Variants in MECR observed in about 807,000 individuals in gnomAD.
The protein encoded by MECR is enoyl-[acyl-carrier-protein] reductase, mitochondrial.
In MECR, 37 loss-of-function variants were observed where a neutral mutation model predicts 49.1. The ratio of observed to expected loss-of-function variants is 0.75; its 90% confidence interval spans 0.58 to 0.99. The LOEUF is 0.99. MECR is among the 50% of genes least tolerant of loss of function. MECR has a pLI of 0.00. For missense variants in MECR, 470 were observed against 479.6 expected, an observed-to-expected ratio of 0.98 and a Z score of 0.19; for synonymous variants, 198 against 191.1, an observed-to-expected ratio of 1.04 and a Z score of -0.30.
At position 29,195,983 on chromosome 1, in the gene MECR, G is replaced by C. The variant is rs772262313; in HGVS notation, c.922C>G (p.Arg308Gly). The C allele has an allele frequency of 1.9e-6, 3 of 1,614,062 alleles. No individual in the cohort carries two copies. The highest frequency in any genetic ancestry group is 1.3e-5 in the African/African-American group (1 of 74,922). The change falls in exon 9 of 10, where the codon CGA (arginine) becomes GGA (glycine). Residue 308 changes from arginine (R) to glycine (G), a missense_variant. Physicochemically the swap from Arg to Gly is moderately radical, Grantham distance 125. Coordinates refer to ENST00000263702, the MANE Select transcript of MECR (RefSeq NM_016011.5). ...TTCCACTGGGACAACCAAAAGCCTC[G>C]AAGTTTGAGATCCTTAAAAATGAGC... ...SLLIFKDLKL[R>G]GFWLSQWKKD...
At chr1:29,230,196 C>T (rs1434698977) in intron 1 of MECR, among the ~76,000 whole-genome samples, 2 of 152,180 alleles carry the variant, frequency 1.3e-5, no homozygotes, top group Non-Finnish European at 2.9e-5. Context: ...AGTCCCTTGC[C>T]CTCTGGAAAC....
chr1:29,175,242 G>A, the MECR span, among the ~76,000 whole-genome samples: 2 of 151,260 alleles, frequency 1.3e-5, no homozygotes, highest in African/African-American at 2.4e-5. Flanking sequence ...GTGAAACCCC[G>A]TTTCTACAAA....
At chr1:29,172,737 C>T in the MECR span, 2 of 152,162 alleles carry the variant, frequency 1.3e-5, no homozygotes, top group African/African-American at 4.8e-5. Context: ...ATGTTCACTC[C>T]TGCTGTGACA....
chr1:29,181,616 C>A, the MECR span: 1 of 1,559,078 alleles, frequency 6.4e-7, no homozygotes, highest in Non-Finnish European at 8.7e-7. Flanking sequence ...TCTGTCCCCG[C>A]CCGGCCGGAC....
chr1:29,188,330 C>G (rs1364898482), downstream of MECR, among the ~76,000 whole-genome samples: 1 of 151,604 alleles, frequency 6.6e-6, no homozygotes, highest in Non-Finnish European at 1.5e-5. Flanking sequence ...GCTGGGATTA[C>G]AGGTGCCTGC....
chr1:29,178,492 T>C, the MECR span, among the ~76,000 whole-genome samples: 1 of 152,052 alleles, frequency 6.6e-6, no homozygotes, highest in Non-Finnish European at 1.5e-5. Flanking sequence ...TACAGGTGCC[T>C]GCCACCATGC....
the MECR span, among the ~76,000 whole-genome samples, chr1:29,177,973 C>T: frequency 2.1e-3 from 287 of 139,628 alleles, 5 homozygotes; most frequent in African/African-American, 7.4e-3. Context: ...AATCTCTGCT[C>T]ACTGCAACCT....
chr1:29,219,064 G>A (rs997240779), intron 1 of MECR, among the ~76,000 whole-genome samples: 6 of 152,110 alleles, frequency 3.9e-5, no homozygotes, highest in African/African-American at 1.4e-4. Context: ...ACCAAGCAGA[G>A]GGCAGTGAAA....
the MECR span, among the ~76,000 whole-genome samples, chr1:29,184,635 G>C: frequency 6.6e-6 from 1 of 152,106 alleles, no homozygotes; most frequent in Admixed American, 6.5e-5. Context: ...TGGGCCTGTA[G>C]TTCAGCTATT....
rs374128311 is a variant in MECR at position 29,203,188 on chromosome 1, G to A, written c.596C>T (p.Ala199Val). The A allele has an allele frequency of 2.5e-5, 39 of 1,584,802 alleles. No homozygotes were observed. Among genetic ancestry groups the A allele is most frequent in the African/African-American group, 1.9e-4 (14 of 74,440 alleles). ...QNASNSGVGQ[A>V]VIQIAAALGL... ...CAGGGCTGCGGCGATCTGGATGACT[G>A]CTTGCCCCACTCCGCTGTTGGATGC... The change falls in exon 5 of 10, where the codon GCA (alanine) becomes GTA (valine). Residue 199 changes from alanine (A) to valine (V), a missense_variant. Ala to Val is a moderately conservative substitution (Grantham distance 64). Transcript: ENST00000263702.
chr1:29,219,220 C>T (rs2151904164), intron 1 of MECR, among the ~76,000 whole-genome samples: 1 of 152,346 alleles, frequency 6.6e-6, no homozygotes, highest in East Asian at 1.9e-4. Context: ...AAGAAAAATC[C>T]TGCCCAGAGC....
At chr1:29,177,189 G>A in the MECR span, among the ~76,000 whole-genome samples, 1 of 151,820 alleles carries the variant, frequency 6.6e-6, no homozygotes, top group Non-Finnish European at 1.5e-5. Flanking sequence ...TTACCACAGA[G>A]CTGAAAGGGT....
At chr1:29,204,891 A>G (rs564251031) in intron 4 of MECR, among the ~76,000 whole-genome samples, 13 of 152,342 alleles carry the variant, frequency 8.5e-5, no homozygotes, top group Non-Finnish European at 1.6e-4. Flanking sequence ...CAAGAAACCT[A>G]TATTTCTCTT....
At chr1:29,226,197 A>C (rs1371003962) in intron 1 of MECR, among the ~76,000 whole-genome samples, 1 of 140,428 alleles carries the variant, frequency 7.1e-6, no homozygotes. Flanking sequence ...AAAAAAAAAG[A>C]CAGAACGGGT....
chr1:29,168,047 G>A, the MECR span, among the ~76,000 whole-genome samples: 2,829 of 141,746 alleles, frequency 0.02, 85 homozygotes, highest in African/African-American at 0.071. Flanking sequence ...ACATAGTCTC[G>A]CTCTGTCGCG....
intron 7 of MECR, among the ~76,000 whole-genome samples, chr1:29,196,762 G>C (rs1442391136): frequency 6.6e-6 from 1 of 152,078 alleles, no homozygotes; most frequent in Non-Finnish European, 1.5e-5. Context: ...CCAGCACTTT[G>C]GGAGGCCAAG....
the MECR span, among the ~76,000 whole-genome samples, chr1:29,178,913 T>C: frequency 1.3e-5 from 2 of 152,222 alleles, no homozygotes; most frequent in Non-Finnish European, 2.9e-5. Flanking sequence ...CAGGAGGTCA[T>C]ATTGTGTGCT....
At chr1:29,190,353 AAAAACAAAAC>A (rs929310719), downstream of MECR, among the ~76,000 whole-genome samples, 1 of 151,966 alleles carries the variant, frequency 6.6e-6, no homozygotes, top group Non-Finnish European at 1.5e-5. Context: ...TCCGTCTCAA[AAAAACAAAAC>A]AAAACAAAAC....
rs1391045613 is a variant in MECR at position 29,194,656 on chromosome 1, C to T, written c.965-477G>A. Reference sequence around the variant, plus strand: ...CCAGGACTCCCTTAGAACCCCACGACCGGACGCCACCAACATCCCCTTCCT... The same window carrying T: ...CCAGGACTCCCTTAGAACCCCACGATCGGACGCCACCAACATCCCCTTCCT... On this transcript the variant is annotated intron_variant, in intron 9 of 9. Transcript: ENST00000263702. Among the ~76,000 whole-genome samples the T allele has an allele frequency of 3.3e-5, 5 of 152,300 alleles. No homozygotes were observed. In the East Asian group the frequency reaches 7.7e-4, roughly 24 times the overall value.
Sources: gnomAD v4.1 joint callset for allele counts (sites outside exome capture counted in the v4.1 genomes callset) on GRCh38, gnomAD v4.1.1 for gene constraint, MANE v1.5 for transcripts, NCBI Gene and HGNC (gene_info 2026-07-23, HGNC 2026-07-21) for gene names.